DNAH7: variants seen among roughly 807,000 people sequenced by gnomAD.
The protein encoded by DNAH7 is axonemal beta dynein heavy chain 7.
In DNAH7, 397 loss-of-function variants were observed where a neutral mutation model predicts 444.6. The ratio of observed to expected loss-of-function variants is 0.89; its 90% CI spans 0.82 to 0.97. The LOEUF is 0.97. DNAH7 is among the 50% of genes least tolerant of loss of function. DNAH7 has a pLI of 0.00. For missense variants in DNAH7, 4,902 were observed against 4,800.8 expected, an observed-to-expected ratio of 1.02 and a Z score of -0.62; for synonymous variants, 1,636 against 1,624.4, an observed-to-expected ratio of 1.01 and a Z score of -0.17.
chr2:195,888,028 C>T (rs1256350866), intron 33 of DNAH7, among the ~76,000 whole-genome samples: 1 of 151,964 alleles, frequency 6.6e-6, no homozygotes, highest in Non-Finnish European at 1.5e-5. Context: ...CATGGTTATG[C>T]GGGCCTTTGA....
At chr2:195,739,496 T>C (rs1692860058) in intron 64 of DNAH7, among the ~76,000 whole-genome samples, 1 of 152,240 alleles carries the variant, frequency 6.6e-6, no homozygotes. Flanking sequence ...AGTTATAGAT[T>C]GAATCTTAAT....
chr2:195,788,158 C>T (rs903380895), intron 57 of DNAH7, among the ~76,000 whole-genome samples: 1 of 152,132 alleles, frequency 6.6e-6, no homozygotes, highest in Non-Finnish European at 1.5e-5. Context: ...AAATGATTTG[C>T]CAAGTCCAGA....
chr2:195,937,230 GT>G (rs1460207090), intron 19 of DNAH7, among the ~76,000 whole-genome samples: 1 of 152,112 alleles, frequency 6.6e-6, no homozygotes, highest in Non-Finnish European at 1.5e-5. Flanking sequence ...CAGAATCCCT[GT>G]TTTATAACTA....
intron 38 of DNAH7, among the ~76,000 whole-genome samples, chr2:195,874,763 C>T (rs1043803042): frequency 1.3e-5 from 2 of 151,898 alleles, no homozygotes; most frequent in African/African-American, 2.4e-5. Flanking sequence ...TTAAGGCTGC[C>T]GTGAGCTATG....
intron 5 of DNAH7, among the ~76,000 whole-genome samples, chr2:196,034,433 T>C (rs1401553906): frequency 6.6e-6 from 1 of 152,206 alleles, no homozygotes; most frequent in African/African-American, 2.4e-5. Flanking sequence ...CAACTCAATA[T>C]TACTGAAATG....
chr2:195,739,267 G>A (rs1363940836), intron 64 of DNAH7, among the ~76,000 whole-genome samples: 1 of 152,128 alleles, frequency 6.6e-6, no homozygotes, highest in Non-Finnish European at 1.5e-5. Flanking sequence ...TTGTGCCCAT[G>A]GTATTTTAAA....
At chr2:196,015,553 G>T (rs1297220512) in intron 9 of DNAH7, among the ~76,000 whole-genome samples, 1 of 152,110 alleles carries the variant, frequency 6.6e-6, no homozygotes, top group East Asian at 1.9e-4. Flanking sequence ...AAAAATATGT[G>T]TTGTGTAGGG....
At chr2:195,945,696 T>G (rs1307660399) in intron 19 of DNAH7, among the ~76,000 whole-genome samples, 1 of 151,728 alleles carries the variant, frequency 6.6e-6, no homozygotes, top group African/African-American at 2.4e-5. Context: ...ACAAGGAAAA[T>G]AAAGAATGAG....
chr2:195,740,834 A>G lies in DNAH7; in HGVS notation c.11800T>C (p.Ser3934Pro). ...FIHGLFLDGA[S>P]WNRKIKKLAE... ...AGTTTCTTGATCTTTCTATTCCAGGAAGCTCCATCCAGAAATAATCCGTGA... is the reference window on the plus strand; with the variant it reads ...AGTTTCTTGATCTTTCTATTCCAGGGAGCTCCATCCAGAAATAATCCGTGA... Residue 3934 changes from serine (S) to proline (P), a missense_variant, in exon 64 of 65, where the codon TCC becomes CCC. Ser to Pro is a moderately conservative substitution (Grantham distance 74, BLOSUM62 -1). Transcript: ENST00000312428. The G allele has an allele frequency of 6.4e-7, 1 of 1,567,528 alleles. No homozygotes were observed. The highest frequency in any genetic ancestry group is 1.2e-5 in the South Asian group (1 of 81,826).
intron 24 of DNAH7, among the ~76,000 whole-genome samples, chr2:195,912,888 C>T (rs1163694107): frequency 1.3e-5 from 2 of 152,172 alleles, no homozygotes; most frequent in African/African-American, 4.8e-5. Flanking sequence ...AATTCAGGCT[C>T]TCAGCCTGAG....
At chr2:195,865,678 AG>A (rs1700286943) in intron 40 of DNAH7, among the ~76,000 whole-genome samples, 1 of 152,168 alleles carries the variant, frequency 6.6e-6, no homozygotes. Context: ...AGTGTGTCCC[AG>A]GGGTACAGTC....
In DNAH7 at chr2:195,886,133, G is replaced by T. The variant is rs1340044363; in HGVS notation, c.5538+8C>A. 3.1e-6 allele frequency: 5 copies of T among 1,611,860 alleles called. No individual in the cohort carries two copies. Among genetic ancestry groups the T allele is most frequent in the Admixed American group, 1.7e-5 (1 of 59,696 alleles). On this transcript the variant is annotated splice_region_variant and intron_variant, in intron 34 of 64. Transcript: ENST00000312428. ...CTGTAGCAGGATACAGAAGGCAACG[G>T]ACCTTACCTCAAGCAAAGAGTAAGT...
chr2:195,910,153 A>G lies in DNAH7; in HGVS notation c.3978T>C (p.Pro1326=), dbSNP rs200575809. The G allele has an allele frequency of 3.3e-4, 534 of 1,613,226 alleles. 1 individual carries two copies. The highest frequency in any genetic ancestry group is 8.3e-4 in the Middle Eastern group (5 of 6,054). ...GALHLHLGGA[P]EGPAGTGKTE... Reference sequence around the variant, plus strand: ...TCTTCCCAGTGCCAGCTGGACCCTCAGGTGCTCCTCCAAGGTGCAAATGAA... The same window carrying G: ...TCTTCCCAGTGCCAGCTGGACCCTCGGGTGCTCCTCCAAGGTGCAAATGAA... Residue 1326 remains proline (P), a synonymous_variant, in exon 25 of 65, where the codon CCT becomes CCC. Transcript: ENST00000312428.
chr2:195,912,167 T>C (rs1228498806), intron 24 of DNAH7, among the ~76,000 whole-genome samples: 11 of 152,112 alleles, frequency 7.2e-5, no homozygotes, highest in Non-Finnish European at 1.6e-4. Flanking sequence ...CATTGGTGTG[T>C]TGTGTTTTTT....
intron 49 of DNAH7, among the ~76,000 whole-genome samples, chr2:195,819,306 C>T (rs529450794): frequency 4.4e-4 from 67 of 152,304 alleles, no homozygotes; most frequent in African/African-American, 1.6e-3. Flanking sequence ...ATACCTCTCT[C>T]CCAGACCAGA....
chr2:195,881,397 A>T (rs745720216), intron 36 of DNAH7, among the ~76,000 whole-genome samples: 2 of 152,220 alleles, frequency 1.3e-5, no homozygotes, highest in African/African-American at 2.4e-5. Flanking sequence ...AATTCCAGAC[A>T]TCATTAAGGA....
At chr2:195,934,440 T>C in intron 21 of DNAH7, 151 bp downstream of exon 21, 2 of 826,958 alleles carry the variant, frequency 2.4e-6, no homozygotes, top group Non-Finnish European at 1.9e-6. Flanking sequence ...TCATAGAACA[T>C]CTCTTTGCCT....
intron 19 of DNAH7, among the ~76,000 whole-genome samples, chr2:195,956,420 G>T (rs1245324111): frequency 6.6e-6 from 1 of 152,166 alleles, no homozygotes; most frequent in Non-Finnish European, 1.5e-5. Flanking sequence ...GGAGGCCGAG[G>T]CGGGTGGATC....
At chr2:195,900,558 T>C in intron 27 of DNAH7, 64 bp from the exon 28 acceptor site, 1 of 1,443,486 alleles carries the variant, frequency 6.9e-7, no homozygotes, top group Non-Finnish European at 9.7e-7. Flanking sequence ...CATGGAAAGA[T>C]AAATACCACA....
Sources: gnomAD v4.1 joint callset for allele counts (sites outside exome capture counted in the v4.1 genomes callset) on GRCh38, gnomAD v4.1.1 for gene constraint, MANE v1.5 for transcripts, NCBI Gene and HGNC (gene_info 2026-07-23, HGNC 2026-07-21) for gene names.